The following NEB variants were observed in gnomAD, a reference collection of about 807,000 sequenced individuals.
The protein encoded by NEB is nemaline myopathy type 2.
Under a neutral mutation model 952.2 loss-of-function variants are expected in NEB, and 512 were observed. The ratio of observed to expected loss-of-function variants is 0.54; its 90% CI spans 0.50 to 0.58. The LOEUF is 0.58. NEB is among the 20% of genes least tolerant of loss of function. NEB has a pLI of 0.00. For synonymous variants in NEB, 2,900 were observed against 3,149.8 expected, an observed-to-expected ratio of 0.92 and a Z score of 2.66; for missense variants, 8,428 against 9,231.1, an observed-to-expected ratio of 0.91 and a Z score of 3.56.
rs1403575357 is a variant in NEB, at chr2:151,491,694, T to G, written c.25139A>C (p.His8380Pro). The G allele has an allele frequency of 1.3e-6, 2 of 1,592,208 alleles. No homozygotes were observed. The highest frequency in any genetic ancestry group is 1.8e-5 in the Admixed American group (1 of 57,136). The change falls in exon 179 of 182, where the codon CAC (histidine) becomes CCC (proline). Residue 8380 changes from histidine (H) to proline (P), a missense_variant. Coordinates refer to ENST00000397345, the MANE Select transcript of NEB (RefSeq NM_001164508.2). ...AEDNIQSRSL[H>P]MINVQAQRRS... ...TTCAGCTAACACACCATTAATCATG[T>G]GTAAGCTTCGGGACTGGATGTTGTC...
intron 71 of NEB, among the ~76,000 whole-genome samples, chr2:151,621,909 C>A (rs2098423980): frequency 6.6e-6 from 1 of 152,080 alleles, no homozygotes; most frequent in African/African-American, 2.4e-5. Flanking sequence ...TTTATTGGAT[C>A]TCTTAATGAG....
intron 83 of NEB, among the ~76,000 whole-genome samples, chr2:151,607,117 C>T (rs1282461852): frequency 9.7e-6 from 1 of 103,188 alleles, no homozygotes; most frequent in Non-Finnish European, 2.5e-5. Flanking sequence ...AGAGTTGTGA[C>T]ATAGATATCA....
chr2:151,630,631 A>C, intron 67 of NEB, 84 bp downstream of exon 67: 1 of 1,086,634 alleles, frequency 9.2e-7, no homozygotes, highest in Non-Finnish European at 1.4e-6. Flanking sequence ...CACATGCACC[A>C]TGACAGCTGA....
rs376099069 is a variant in NEB, at chr2:151,511,174, A to G, written c.23346+1559T>C. ...GGTAAAAGGCTGGTGAGGCTCTCAC[A>G]GCCCAAAGAATATCAGCCTCCCTGG... is the stretch of plus-strand genomic sequence containing the variant. On this transcript the variant is annotated intron_variant, in intron 161 of 181. Transcript: ENST00000397345. 1.8e-4 allele frequency among the ~76,000 whole-genome samples: 28 copies of G among 152,358 alleles called. No individual in the cohort carries two copies. In the South Asian group the frequency reaches 5.4e-3, roughly 29 times the overall value.
At chr2:151,505,004 A>G (rs2067663634) in intron 165 of NEB, among the ~76,000 whole-genome samples, 1 of 152,178 alleles carries the variant, frequency 6.6e-6, no homozygotes, top group African/African-American at 2.4e-5. Flanking sequence ...ATGTCTACCC[A>G]GGGTCTTTTT....
intron 120 of NEB, among the ~76,000 whole-genome samples, 164 bp downstream of exon 120, chr2:151,562,447 G>C (rs968113465): frequency 6.6e-6 from 1 of 152,110 alleles, no homozygotes; most frequent in Non-Finnish European, 1.5e-5. Context: ...CTATGGCTTA[G>C]GGTGGATTCT....
chr2:151,644,342 A>C, intron 56 of NEB, 126 bp downstream of exon 56: 3 of 1,065,924 alleles, frequency 2.8e-6, no homozygotes, highest in Non-Finnish European at 4.1e-6. Context: ...CCCACACTGC[A>C]TGGGATCATT....
intron 10 of NEB, among the ~76,000 whole-genome samples, chr2:151,714,592 C>A (rs2099754172): frequency 6.6e-6 from 1 of 152,110 alleles, no homozygotes; most frequent in Non-Finnish European, 1.5e-5. Context: ...CTGCCTTTTG[C>A]AAGCTGATTT....
At chr2:151,670,179 T>C (rs1261919831) in intron 38 of NEB, among the ~76,000 whole-genome samples, 1 of 152,176 alleles carries the variant, frequency 6.6e-6, no homozygotes, top group Non-Finnish European at 1.5e-5. Context: ...ACTCCTAAGA[T>C]AGAATTAACC....
At chr2:151,555,173 C>T (rs946953678) in intron 124 of NEB, 129 bp from the exon 125 acceptor site, 7 of 651,480 alleles carry the variant, frequency 1.1e-5, no homozygotes, top group Non-Finnish European at 1.9e-5. Flanking sequence ...CAACACTTCT[C>T]TGAACTCATT....
At chr2:151,527,660 G>A (rs2087187886) in intron 146 of NEB, 75 bp from the exon 147 acceptor site, 5 of 1,026,546 alleles carry the variant, frequency 4.9e-6, no homozygotes, top group Non-Finnish European at 7.3e-6. Context: ...GGCACAGAGG[G>A]GCTCTTGCAT....
At chr2:151,538,354 T>G in intron 138 of NEB, 110 bp from the exon 139 acceptor site, 1 of 788,932 alleles carries the variant, frequency 1.3e-6, no homozygotes, top group Non-Finnish European at 2.1e-6. Context: ...ATGAATACAT[T>G]TAGGAAAAAT....
intron 165 of NEB, among the ~76,000 whole-genome samples, chr2:151,504,624 C>G (rs552504401): frequency 2.0e-5 from 3 of 152,144 alleles, no homozygotes; most frequent in Non-Finnish European, 4.4e-5. Flanking sequence ...CTCCATTGAC[C>G]AGGGGAATCC....
Position 151,493,432 on chromosome 2 carries a change from T to C in NEB, c.24686A>G (p.Glu8229Gly), listed in dbSNP as rs1485856594. Residue 8229 changes from glutamate (E) to glycine (G), a missense_variant, in exon 176 of 182, where the codon GAG becomes GGG. Glu to Gly is a moderately conservative substitution (Grantham distance 98). Coordinates refer to ENST00000397345, the MANE Select transcript of NEB (RefSeq NM_001164508.2). ...QENFSSVLYK[E>G]NMRKATPTPV... ...TGTCGGAGTTGCTTTTCTCATGTTC[T>C]CTTTGTACAATACCTAGGGAAGCCA... The C allele has an allele frequency of 6.2e-7, 1 of 1,601,150 alleles. No homozygotes were observed. The highest frequency in any genetic ancestry group is 1.1e-5 in the South Asian group (1 of 87,504).
chr2:151,707,439 G>A (rs2099711117), intron 12 of NEB, among the ~76,000 whole-genome samples: 1 of 152,178 alleles, frequency 6.6e-6, no homozygotes, highest in African/African-American at 2.4e-5. Context: ...AAAGGAAGCT[G>A]GAAGTACCAC....
intron 166 of NEB, 23 bp downstream of exon 166, chr2:151,503,326 T>TATA (rs1157912879): frequency 6.5e-7 from 1 of 1,529,104 alleles, no homozygotes; most frequent in Non-Finnish European, 9.0e-7. Context: ...AAATAGTTTC[T>TATA]TATATGATAT....
intron 88 of NEB, among the ~76,000 whole-genome samples, chr2:151,601,388 G>T (rs2097530507): frequency 6.9e-6 from 1 of 145,464 alleles, no homozygotes; most frequent in African/African-American, 2.6e-5. Flanking sequence ...GGATTTACAG[G>T]CATGAGCCAC....
At chr2:151,729,548 A>G (rs1030806947) in intron 4 of NEB, 67 bp downstream of exon 4, 1 of 1,558,486 alleles carries the variant, frequency 6.4e-7, no homozygotes, top group South Asian at 1.1e-5. Context: ...CTGGGAGTCT[A>G]AGAAAGGAGA....
At position 151,729,641 on chromosome 2, in the gene NEB, C is replaced by G. The variant is rs2150994592; in HGVS notation, c.52G>C (p.Val18Leu). The G allele has an allele frequency of 6.2e-7, 1 of 1,613,390 alleles. No homozygotes were observed. The highest frequency in any genetic ancestry group is 8.5e-7 in the Non-Finnish European group (1 of 1,179,490). The change falls in exon 4 of 182, where the codon GTG becomes CTG. Residue 18 changes from valine (V) to leucine (L), a missense_variant. Around this residue, in one of 11 missense-constraint regions of NEB, gnomAD observed 2,851 missense variants for 2,791.5 expected, o/e 1.02. Coordinates refer to ENST00000397345, the MANE Select transcript of NEB (RefSeq NM_001164508.2). ...EEVVEYYTEEVVYEEVPGETI... is the reference protein window; with the variant it reads ...EEVVEYYTEELVYEEVPGETI... Reference sequence around the variant, plus strand: ...TCTCCCGGCACCTCTTCGTAAACCACTTCTTCTGTGTAGTACTGTAAATAG... The same window carrying G: ...TCTCCCGGCACCTCTTCGTAAACCAGTTCTTCTGTGTAGTACTGTAAATAG...
Sources: gnomAD v4.1 joint callset for allele counts (sites outside exome capture counted in the v4.1 genomes callset) on GRCh38, gnomAD v4.1.1 for gene constraint, gnomAD v4.1.1 regional missense constraint, MANE v1.5 for transcripts, NCBI Gene and HGNC (gene_info 2026-07-23, HGNC 2026-07-21) for gene names.